OLA1: variants seen among roughly 807,000 people sequenced by gnomAD.
The protein encoded by OLA1 is obg-like ATPase 1.
In OLA1, 14 loss-of-function variants were observed where a neutral mutation model predicts 48.4. The ratio of observed to expected loss-of-function variants is 0.29; its 90% CI spans 0.19 to 0.45. The LOEUF (loss-of-function observed/expected upper bound fraction) is 0.45. OLA1 is among the 20% of genes least tolerant of loss of function. The pLI, the probability that OLA1 is intolerant of heterozygous loss-of-function variation, is 1.00. For synonymous variants in OLA1, 127 were observed against 150.4 expected (o/e 0.84, Z 1.14); for missense variants, 325 against 467.1 (o/e 0.70, Z 2.80).
At chr2:174,110,002 T>C (rs1685608978) in intron 7 of OLA1, among the ~76,000 whole-genome samples, 1 of 152,132 alleles carries the variant, frequency 6.6e-6, no homozygotes, top group Non-Finnish European at 1.5e-5. Context: ...TTTCCTTCTT[T>C]GTGTTCATAA....
At chr2:174,215,007 G>A (rs192786459) in intron 4 of OLA1, among the ~76,000 whole-genome samples, 54 of 150,624 alleles carry the variant, frequency 3.6e-4, no homozygotes, top group Non-Finnish European at 6.8e-4. Context: ...TCAAGATCGC[G>A]CCATTACACT....
intron 4 of OLA1, among the ~76,000 whole-genome samples, chr2:174,203,610 T>G (rs1436862844): frequency 6.6e-6 from 1 of 151,744 alleles, no homozygotes; most frequent in Non-Finnish European, 1.5e-5. Context: ...CTCTATCAGC[T>G]TTAGAAACAG....
At chr2:174,179,237 C>T (rs1002712082) in intron 4 of OLA1, among the ~76,000 whole-genome samples, 3 of 150,318 alleles carry the variant, frequency 2.0e-5, no homozygotes, top group South Asian at 4.2e-4. Context: ...TCCTAAAGTA[C>T]AATTTTATGG....
intron 4 of OLA1, among the ~76,000 whole-genome samples, chr2:174,143,332 AT>A (rs1347959660): frequency 3.9e-5 from 6 of 152,174 alleles, no homozygotes; most frequent in Non-Finnish European, 7.4e-5. Context: ...GTTTAGGTAA[AT>A]TTTTTGAATC....
chr2:174,102,272 C>G (rs1685414567), intron 7 of OLA1, among the ~76,000 whole-genome samples: 1 of 151,954 alleles, frequency 6.6e-6, no homozygotes. Context: ...TTCTAATGCA[C>G]ACTAAAGTGT....
intron 6 of OLA1, 106 bp downstream of exon 6, chr2:174,123,489 T>C (rs1310747693): frequency 2.8e-6 from 2 of 720,238 alleles, no homozygotes; most frequent in Non-Finnish European, 4.5e-6. Flanking sequence ...CTGACAGAAA[T>C]AAAAATTTAG....
intron 4 of OLA1, among the ~76,000 whole-genome samples, chr2:174,195,210 C>A (rs1010035777): frequency 1.3e-5 from 2 of 150,212 alleles, no homozygotes; most frequent in East Asian, 2.0e-4. Flanking sequence ...AAATTTTATA[C>A]ACTTATTGCT....
intron 4 of OLA1, among the ~76,000 whole-genome samples, chr2:174,149,488 A>T (rs774441032): frequency 6.6e-6 from 1 of 152,180 alleles, no homozygotes; most frequent in Non-Finnish European, 1.5e-5. Flanking sequence ...AATGAAATAA[A>T]CCAAAAAATA....
At chr2:174,145,195 T>C (rs955500507) in intron 4 of OLA1, among the ~76,000 whole-genome samples, 14 of 151,810 alleles carry the variant, frequency 9.2e-5, no homozygotes, top group African/African-American at 2.9e-4. Flanking sequence ...TTGGGGAATA[T>C]ACTATTTTTT....
At chr2:174,182,511 GA>G (rs1687571839) in intron 4 of OLA1, among the ~76,000 whole-genome samples, 1 of 151,994 alleles carries the variant, frequency 6.6e-6, no homozygotes, top group Non-Finnish European at 1.5e-5. Flanking sequence ...TGGGCAACAA[GA>G]GCAAAACTCC....
chr2:174,168,339 T>C (rs913349750), intron 4 of OLA1, among the ~76,000 whole-genome samples: 1 of 151,860 alleles, frequency 6.6e-6, no homozygotes, highest in Non-Finnish European at 1.5e-5. Context: ...AGCTGCCATC[T>C]AAGAAATCGA....
At chr2:174,237,190 T>TA (rs142047479) in intron 2 of OLA1, among the ~76,000 whole-genome samples, 69 of 152,122 alleles carry the variant, frequency 4.5e-4, no homozygotes, top group Middle Eastern at 3.4e-3. Context: ...GTGCTTTTTT[T>TA]AAAAACTTTT....
intron 7 of OLA1, among the ~76,000 whole-genome samples, chr2:174,102,528 A>G (rs1685420709): frequency 6.6e-6 from 1 of 151,964 alleles, no homozygotes; most frequent in Non-Finnish European, 1.5e-5. Flanking sequence ...AGAAAAGCAC[A>G]TAGAATGAAA....
At chr2:174,185,958 T>C (rs1251196649) in intron 4 of OLA1, among the ~76,000 whole-genome samples, 2 of 152,124 alleles carry the variant, frequency 1.3e-5, no homozygotes, top group South Asian at 2.1e-4. Context: ...ATTTTTCACA[T>C]ATAAACAGCA....
chr2:174,213,918 T>C (rs1232867286), intron 4 of OLA1, among the ~76,000 whole-genome samples: 1 of 151,898 alleles, frequency 6.6e-6, no homozygotes, highest in African/African-American at 2.4e-5. Context: ...AATTATTAAG[T>C]AGCAAATTTT....
At chr2:174,152,574 G>T (rs1015737412) in intron 4 of OLA1, among the ~76,000 whole-genome samples, 2 of 152,076 alleles carry the variant, frequency 1.3e-5, no homozygotes, top group African/African-American at 4.8e-5. Context: ...GTAGGTTTAC[G>T]TTTCTAGCCT....
At chr2:174,094,538 A>G (rs1248199674) in intron 7 of OLA1, among the ~76,000 whole-genome samples, 2 of 152,162 alleles carry the variant, frequency 1.3e-5, no homozygotes, top group Non-Finnish European at 2.9e-5. Context: ...TGACTATATA[A>G]CTACAGTACT....
At chr2:174,161,855 T>G (rs1687021092) in intron 4 of OLA1, among the ~76,000 whole-genome samples, 2 of 152,180 alleles carry the variant, frequency 1.3e-5, no homozygotes, top group South Asian at 4.1e-4. Context: ...GCAATGAAAC[T>G]GATATCCTTC....
intron 4 of OLA1, among the ~76,000 whole-genome samples, chr2:174,171,538 G>A (rs1200348437): frequency 6.6e-6 from 1 of 150,398 alleles, no homozygotes; most frequent in African/African-American, 2.5e-5. Context: ...GAAGTCACAA[G>A]AGAAATAAGG....
Sources: allele counts gnomAD v4.1 joint callset (sites outside exome capture counted in the v4.1 genomes callset), GRCh38; gene constraint gnomAD v4.1.1; transcripts MANE v1.5; gene names NCBI Gene and HGNC (gene_info 2026-07-23, HGNC 2026-07-21).